The following PLCB4 variants were observed in gnomAD, a reference collection of about 807,000 sequenced individuals.
PLCB4 encodes phospholipase C beta 4, also known as 1-phosphatidylinositol 4,5-bisphosphate phosphodiesterase beta-4.
PLCB4 carries 77 observed loss-of-function variants against 178.8 expected under a neutral mutation model. The observed-to-expected ratio is 0.43, with a 90% CI of 0.36 to 0.52. PLCB4 has a LOEUF of 0.52. Among genes scored for constraint, PLCB4 ranks in the 20% least tolerant of loss-of-function variants. PLCB4 has a pLI of 0.00. For missense variants in PLCB4, 1,024 were observed against 1,453.4 expected (o/e 0.70, Z 4.80); for synonymous variants, 496 against 490.8 (o/e 1.01, Z -0.14).
intron 4 of PLCB4, among the ~76,000 whole-genome samples, chr20:9,318,708 AG>A (rs2094927458): frequency 6.6e-6 from 1 of 152,176 alleles, no homozygotes; most frequent in South Asian, 2.1e-4. Context: ...GCAAGGTGGG[AG>A]GTGGGTTAGC....
chr20:9,466,669 A>G (rs1889675291), intron 35 of PLCB4, among the ~76,000 whole-genome samples: 2 of 152,244 alleles, frequency 1.3e-5, no homozygotes, highest in Admixed American at 1.3e-4. Context: ...GCCAACAGAC[A>G]CATGAAAAAA....
intron 2 of PLCB4, among the ~76,000 whole-genome samples, chr20:9,110,727 G>A (rs952130119): frequency 1.3e-5 from 2 of 152,144 alleles, no homozygotes; most frequent in African/African-American, 4.8e-5. Flanking sequence ...AACTTAGTGT[G>A]TTGGCATTTG....
chr20:9,261,564 A>G (rs1196118192), intron 3 of PLCB4, among the ~76,000 whole-genome samples: 2 of 152,224 alleles, frequency 1.3e-5, no homozygotes, highest in East Asian at 3.8e-4. Context: ...AGAGAAATCA[A>G]TTAAAAATAT....
At chr20:9,370,803 G>C (rs1400406773) in intron 9 of PLCB4, 1 of 155,212 alleles carries the variant, frequency 6.4e-6, no homozygotes, top group Non-Finnish European at 1.4e-5. Context: ...CAGCTACTTG[G>C]GAGGCTGAGG....
intron 2 of PLCB4, among the ~76,000 whole-genome samples, chr20:9,105,428 G>A (rs1357367280): frequency 6.6e-6 from 1 of 151,956 alleles, no homozygotes; most frequent in Non-Finnish European, 1.5e-5. Flanking sequence ...CATTTGAAGT[G>A]TACACTCAGT....
chr20:9,304,994 G>A (rs749779902), intron 3 of PLCB4, among the ~76,000 whole-genome samples: 6 of 150,420 alleles, frequency 4.0e-5, no homozygotes, highest in African/African-American at 4.9e-5. Flanking sequence ...CCAGTAACTC[G>A]TCATTTAACA....
chr20:9,472,181 G>A (rs1368520532), intron 36 of PLCB4, among the ~76,000 whole-genome samples: 1 of 152,138 alleles, frequency 6.6e-6, no homozygotes, highest in Non-Finnish European at 1.5e-5. Context: ...TACTCTATGG[G>A]TACATTTAGA....
chr20:9,130,284 C>A (rs1034565938), intron 2 of PLCB4, among the ~76,000 whole-genome samples: 9 of 152,130 alleles, frequency 5.9e-5, no homozygotes, highest in Non-Finnish European at 1.0e-4. Context: ...ACTCAGTAAA[C>A]CATTTCAAAG....
chr20:9,289,866 TA>T (rs2094565621), intron 3 of PLCB4, among the ~76,000 whole-genome samples: 1 of 152,116 alleles, frequency 6.6e-6, no homozygotes, highest in African/African-American at 2.4e-5. Flanking sequence ...AGAGAGTATA[TA>T]ACTTCAAAAG....
chr20:9,259,325 T>A (rs1242040947), intron 3 of PLCB4, among the ~76,000 whole-genome samples: 1 of 152,208 alleles, frequency 6.6e-6, no homozygotes, highest in African/African-American at 2.4e-5. Flanking sequence ...TTGTAAATGT[T>A]ATTCATCCAA....
intron 3 of PLCB4, among the ~76,000 whole-genome samples, chr20:9,260,606 G>A (rs1360530669): frequency 6.6e-6 from 1 of 152,010 alleles, no homozygotes; most frequent in Non-Finnish European, 1.5e-5. Flanking sequence ...TGCTGACATT[G>A]ATGTATACAT....
chr20:9,129,671 T>C (rs1423327166), intron 2 of PLCB4, among the ~76,000 whole-genome samples: 1 of 152,156 alleles, frequency 6.6e-6, no homozygotes, highest in African/African-American at 2.4e-5. Flanking sequence ...TAGTTGGGGG[T>C]ACATCTGCCT....
intron 4 of PLCB4, among the ~76,000 whole-genome samples, chr20:9,329,115 G>A (rs999208460): frequency 1.3e-5 from 2 of 152,134 alleles, no homozygotes; most frequent in Admixed American, 1.3e-4. Flanking sequence ...TGTACACGTG[G>A]TGACAAAGAA....
At chr20:9,279,834 A>G (rs2094479078) in intron 3 of PLCB4, among the ~76,000 whole-genome samples, 1 of 151,980 alleles carries the variant, frequency 6.6e-6, no homozygotes. Flanking sequence ...GAAATAATGT[A>G]TTGCATTCTG....
At chr20:9,388,892 G>A (rs1203114966) in intron 15 of PLCB4, among the ~76,000 whole-genome samples, 2 of 152,140 alleles carry the variant, frequency 1.3e-5, no homozygotes, top group Non-Finnish European at 1.5e-5. Context: ...ATAACTAAAT[G>A]ACTACCTCAG....
chr20:9,448,921 A>C (rs1482949433), intron 32 of PLCB4, among the ~76,000 whole-genome samples: 1 of 152,102 alleles, frequency 6.6e-6, no homozygotes, highest in Non-Finnish European at 1.5e-5. Flanking sequence ...ATAGGTGTGC[A>C]ATTTGCTGTT....
intron 38 of PLCB4, among the ~76,000 whole-genome samples, chr20:9,476,508 G>A (rs1432712053): frequency 2.6e-5 from 4 of 152,124 alleles, no homozygotes; most frequent in Non-Finnish European, 5.9e-5. Flanking sequence ...AATGACAGGC[G>A]TTGGTTGTTT....
rs41309925 is a variant in PLCB4 at position 9,362,753 on chromosome 20, A to G, written c.370-143A>G. ...AGAATAAAATATGAGCCTGCAAAAT[A>G]TAGATGGCTGTGTGACAGGAAAGGG... On this transcript the variant is annotated intron_variant, in intron 7 of 39. Transcript: ENST00000378473. The G allele has an allele frequency of 0.034, 21,268 of 628,034 alleles. 535 individuals carry two copies. The highest frequency in any genetic ancestry group is 0.047 in the Non-Finnish European group (16,528 of 351,766). The allele number at this position is 628,034 out of a possible 1,614,324, so 38.9% of individuals were successfully genotyped here.
intron 3 of PLCB4, among the ~76,000 whole-genome samples, chr20:9,267,185 A>G (rs1195286870): frequency 6.6e-6 from 1 of 152,218 alleles, no homozygotes; most frequent in Admixed American, 6.5e-5. Flanking sequence ...AAATTATGAG[A>G]AGAAAACAAC....
Sources: allele counts gnomAD v4.1 joint callset (sites outside exome capture counted in the v4.1 genomes callset), GRCh38; gene constraint gnomAD v4.1.1; transcripts MANE v1.5; gene names NCBI Gene and HGNC (gene_info 2026-07-23, HGNC 2026-07-21).